Variants in EXOC6 observed in about 807,000 individuals in gnomAD.
EXOC6 encodes SEC15-like 1.
Under a neutral mutation model 112.5 loss-of-function variants are expected in EXOC6, and 60 were observed. The observed-to-expected ratio is 0.53, with a 90% CI of 0.43 to 0.66. The LOEUF (loss-of-function observed/expected upper bound fraction) is 0.66, where lower values mean the gene tolerates loss of function less well. EXOC6 is among the 30% of genes least tolerant of loss of function. The pLI, the probability that EXOC6 is intolerant of heterozygous loss-of-function variation, is 0.00. For missense variants in EXOC6, 855 were observed against 957.1 expected (o/e 0.89, Z 1.41); for synonymous variants, 295 against 308.0 (o/e 0.96, Z 0.44).
At chr10:92,930,252 C>T (rs1851952171) in intron 9 of EXOC6, among the ~76,000 whole-genome samples, 1 of 152,200 alleles carries the variant, frequency 6.6e-6, no homozygotes, top group Admixed American at 6.5e-5. Flanking sequence ...CCTGTAATCC[C>T]AGCGCTTTGG....
chr10:92,911,183 A>G (rs561695576), intron 6 of EXOC6, among the ~76,000 whole-genome samples: 10 of 152,346 alleles, frequency 6.6e-5, no homozygotes, highest in Non-Finnish European at 1.3e-4. Flanking sequence ...TTTGCATTGC[A>G]CACTCTTACA....
intron 1 of EXOC6, among the ~76,000 whole-genome samples, chr10:92,857,910 G>T (rs758476750): frequency 6.8e-6 from 1 of 147,878 alleles, no homozygotes; most frequent in Non-Finnish European, 1.5e-5. Context: ...ACTATTTCCT[G>T]TTTTTTTTGT....
chr10:92,989,404 G>C (rs1276121225), intron 18 of EXOC6, among the ~76,000 whole-genome samples: 7 of 152,158 alleles, frequency 4.6e-5, no homozygotes, highest in Admixed American at 4.6e-4. Flanking sequence ...TGAGAGTTTA[G>C]TAAAGATGAT....
chr10:93,030,267 TCCTGAGCTCAAGCAGTCTGCCCA>T (rs1184281969), intron 20 of EXOC6, among the ~76,000 whole-genome samples: 1 of 152,076 alleles, frequency 6.6e-6, no homozygotes, highest in African/African-American at 2.4e-5. Flanking sequence ...AGTCGCAGAC[TCCTGAGCTCAAGCAGTCTGCCCA>T]CCTGAGCTCA....
chr10:93,021,235 A>G (rs1206508424), intron 20 of EXOC6, among the ~76,000 whole-genome samples: 1 of 151,954 alleles, frequency 6.6e-6, no homozygotes, highest in East Asian at 1.9e-4. Flanking sequence ...TAATCCCAGC[A>G]CTTGGGAGGC....
intron 18 of EXOC6, among the ~76,000 whole-genome samples, chr10:92,994,859 GGT>G (rs1307046754): frequency 1.3e-5 from 2 of 151,444 alleles, no homozygotes; most frequent in Non-Finnish European, 2.9e-5. Context: ...TATATTTTCG[GGT>G]GTGTAAATTT....
At chr10:92,885,798 T>C (rs879764341) in intron 1 of EXOC6, among the ~76,000 whole-genome samples, 5 of 152,084 alleles carry the variant, frequency 3.3e-5, no homozygotes, top group African/African-American at 4.8e-5. Flanking sequence ...AACCCCCCCC[T>C]CTTTTTTACT....
At chr10:92,980,458 C>CTGTT (rs10687721) in intron 18 of EXOC6, among the ~76,000 whole-genome samples, 1 of 151,560 alleles carries the variant, frequency 6.6e-6, no homozygotes, top group African/African-American at 2.4e-5. Flanking sequence ...AGTTTTAAAA[C>CTGTT]TATAGTATTA....
intron 19 of EXOC6, among the ~76,000 whole-genome samples, chr10:93,013,512 A>G (rs530054084): frequency 2.0e-5 from 3 of 152,226 alleles, no homozygotes; most frequent in Admixed American, 2.0e-4. Context: ...GGAGGCTGAG[A>G]TAGGAGAATC....
At chr10:92,947,723 C>A (rs1035272480) in intron 13 of EXOC6, among the ~76,000 whole-genome samples, 6 of 152,156 alleles carry the variant, frequency 3.9e-5, no homozygotes, top group Admixed American at 1.3e-4. Flanking sequence ...TCCTGGCTAA[C>A]ACGGTGAAAC....
At chr10:92,929,992 A>G (rs1851940587) in intron 9 of EXOC6, among the ~76,000 whole-genome samples, 1 of 152,220 alleles carries the variant, frequency 6.6e-6, no homozygotes. Context: ...CAGGTACCTT[A>G]AATAAAAAGA....
At chr10:93,030,346 G>A (rs112237387) in intron 20 of EXOC6, among the ~76,000 whole-genome samples, 456 of 152,242 alleles carry the variant, frequency 3.0e-3, no homozygotes, top group Middle Eastern at 6.8e-3. Context: ...GATTATAGGC[G>A]TGAGCCACTG....
At chr10:93,028,805 G>T (rs564423750) in intron 20 of EXOC6, among the ~76,000 whole-genome samples, 2 of 139,568 alleles carry the variant, frequency 1.4e-5, no homozygotes, top group African/African-American at 5.4e-5. Context: ...TTGCACTCCA[G>T]CCTGGGCAAC....
intron 1 of EXOC6, among the ~76,000 whole-genome samples, chr10:92,843,421 G>C (rs950004792): frequency 6.6e-6 from 1 of 152,250 alleles, no homozygotes; most frequent in Admixed American, 6.5e-5. Flanking sequence ...TTTTGATACA[G>C]TTCTATAATT....
intron 20 of EXOC6, among the ~76,000 whole-genome samples, chr10:93,029,085 G>A (rs1028774813): frequency 3.9e-5 from 6 of 152,138 alleles, no homozygotes; most frequent in Non-Finnish European, 7.4e-5. Context: ...CCACCCGAAT[G>A]AGTCAGCAGC....
At chr10:92,865,233 A>G (rs972543285) in intron 1 of EXOC6, among the ~76,000 whole-genome samples, 4 of 152,056 alleles carry the variant, frequency 2.6e-5, no homozygotes, top group East Asian at 1.9e-4. Context: ...CCCTCATTGC[A>G]GTCAAAAATA....
At chr10:92,835,813 T>G (rs75134328) in intron 1 of EXOC6, among the ~76,000 whole-genome samples, 2,166 of 152,328 alleles carry the variant, frequency 0.014, 48 homozygotes, top group African/African-American at 0.049. Context: ...TATCAATATG[T>G]AGGTATAGTT....
At chr10:92,863,362 G>C (rs1847998776) in intron 1 of EXOC6, among the ~76,000 whole-genome samples, 1 of 152,166 alleles carries the variant, frequency 6.6e-6, no homozygotes, top group African/African-American at 2.4e-5. Context: ...ATTTTTACTA[G>C]AGTAGCACAT....
At chr10:93,045,138 C>T (rs1205156105) in intron 20 of EXOC6, among the ~76,000 whole-genome samples, 1 of 152,212 alleles carries the variant, frequency 6.6e-6, no homozygotes, top group Non-Finnish European at 1.5e-5. Flanking sequence ...TCCTAAAGTG[C>T]TGGGATTACA....
Sources: allele counts gnomAD v4.1 joint callset (sites outside exome capture counted in the v4.1 genomes callset), GRCh38; gene constraint gnomAD v4.1.1; transcripts MANE v1.5; gene names NCBI Gene and HGNC (gene_info 2026-07-23, HGNC 2026-07-21).